R3HCC1L: variants seen among roughly 807,000 people sequenced by gnomAD.
R3HCC1L encodes R3H domain and coiled-coil containing 1 like.
R3HCC1L carries 51 observed loss-of-function variants against 59.9 expected under a neutral mutation model. The observed-to-expected ratio is 0.85, with a 90% CI of 0.68 to 1.07. The LOEUF (loss-of-function observed/expected upper bound fraction) is 1.07, where lower values mean the gene tolerates loss of function less well. R3HCC1L is among the 50% of genes least tolerant of loss of function. The pLI is 0.00. For synonymous variants in R3HCC1L, 322 were observed against 315.2 expected (o/e 1.02, Z -0.23); for missense variants, 965 against 933.0 (o/e 1.03, Z -0.45).
At chr10:98,169,825 G>A (rs1368230080) in intron 4 of R3HCC1L, among the ~76,000 whole-genome samples, 3 of 151,152 alleles carry the variant, frequency 2.0e-5, no homozygotes, top group Non-Finnish European at 2.9e-5. Flanking sequence ...TGAGCTTAGG[G>A]AATATGTAAA....
chr10:98,216,028 A>T (rs991910378), intron 5 of R3HCC1L, among the ~76,000 whole-genome samples: 7 of 152,344 alleles, frequency 4.6e-5, no homozygotes, highest in Admixed American at 4.6e-4. Context: ...AAACAGAATC[A>T]GAATCAAGTC....
chr10:98,158,032 A>G (rs1039513518), intron 2 of R3HCC1L, among the ~76,000 whole-genome samples: 1 of 152,218 alleles, frequency 6.6e-6, no homozygotes, highest in Non-Finnish European at 1.5e-5. Context: ...AAAAATCATC[A>G]TTGGAAAACC....
At chr10:98,159,025 C>CA (rs1847151040) in intron 2 of R3HCC1L, among the ~76,000 whole-genome samples, 1 of 152,004 alleles carries the variant, frequency 6.6e-6, no homozygotes, top group Non-Finnish European at 1.5e-5. Flanking sequence ...AGGCTGGTCT[C>CA]AGACTCCTGG....
chr10:98,237,472 G>A (rs571103314), intron 9 of R3HCC1L, among the ~76,000 whole-genome samples: 14 of 152,156 alleles, frequency 9.2e-5, no homozygotes, highest in East Asian at 1.9e-4. Context: ...GTGGTTTTGC[G>A]TGGATATCAT....
At position 98,209,761 on chromosome 10, in the gene R3HCC1L, A is replaced by T. The variant is rs776475971; in HGVS notation, c.1647A>T (p.Glu549Asp). Residue 549 changes from glutamate (E) to aspartate (D), a missense_variant, in exon 5 of 10, where the codon GAA (glutamate) becomes GAT (aspartate). Transcript: ENST00000298999. ...IEFGVSFPDR[E>D]SSSMETSIEP... ...TTGGTGTATCTTTTCCTGATAGGGA[A>T]TCATCATCTATGGAAACATCCATCG... is the stretch of plus-strand genomic sequence containing the variant. 2.5e-6 allele frequency: 4 copies of T among 1,613,854 alleles called. No homozygotes were observed. The South Asian group carries it at 4.4e-5, about 18-fold the overall frequency.
At chr10:98,177,769 T>C (rs9420722) in intron 4 of R3HCC1L, among the ~76,000 whole-genome samples, 77,185 of 152,010 alleles carry the variant, frequency 0.51, 19,916 homozygotes, top group Non-Finnish European at 0.56. Flanking sequence ...ATTTGCATTT[T>C]TCTGATCACC....
At chr10:98,159,822 G>C (rs945639572) in intron 2 of R3HCC1L, among the ~76,000 whole-genome samples, 1 of 152,108 alleles carries the variant, frequency 6.6e-6, no homozygotes, top group African/African-American at 2.4e-5. Flanking sequence ...TCAGAGCCCT[G>C]GTTCCTTTTA....
At chr10:98,208,003 T>C (rs1852909200) in intron 4 of R3HCC1L, 98 bp from the exon 5 acceptor site, 1 of 1,113,426 alleles carries the variant, frequency 9.0e-7, no homozygotes, top group Non-Finnish European at 1.3e-6. Context: ...CTAGCCTGGG[T>C]GACAGTGTGA....
chr10:98,160,246 G>A (rs1002288269), intron 2 of R3HCC1L, among the ~76,000 whole-genome samples: 1 of 152,170 alleles, frequency 6.6e-6, no homozygotes, highest in Non-Finnish European at 1.5e-5. Flanking sequence ...TTAGCCTAAG[G>A]GCAGGTAGTC....
At chr10:98,192,910 A>G (rs189133197) in intron 4 of R3HCC1L, among the ~76,000 whole-genome samples, 1 of 152,280 alleles carries the variant, frequency 6.6e-6, no homozygotes, top group Non-Finnish European at 1.5e-5. Context: ...ATTCAATAAG[A>G]CATTAAAAGG....
intron 4 of R3HCC1L, among the ~76,000 whole-genome samples, chr10:98,176,153 G>A (rs1225853743): frequency 6.6e-6 from 1 of 152,034 alleles, no homozygotes; most frequent in Admixed American, 6.6e-5. Context: ...TTTCTCCAAT[G>A]TGACACTTAC....
At chr10:98,183,003 G>A (rs564371636) in intron 4 of R3HCC1L, among the ~76,000 whole-genome samples, 14 of 152,284 alleles carry the variant, frequency 9.2e-5, no homozygotes, top group African/African-American at 2.9e-4. Context: ...CCTGGGTAAG[G>A]TGATGCCCCA....
Position 98,236,029 on chromosome 10 carries a change from C to G in R3HCC1L, c.2134C>G (p.Leu712Val). ...CCTTCCTTTCTTCGATTCAGAGTTC[C>G]TCCAGCCAGCAAAGGAGCGTCCTGA... ...KAKARAYAEF[L>V]QPAKERPETS... Residue 712 changes from leucine to valine, a missense_variant, in exon 9 of 10, where the codon CTC (leucine) becomes GTC (valine). Transcript: ENST00000298999. The G allele has an allele frequency of 6.2e-7, 1 of 1,613,290 alleles. No homozygotes were observed. The highest frequency in any genetic ancestry group is 8.5e-7 in the Non-Finnish European group (1 of 1,179,486).
At chr10:98,233,864 C>A (rs534811583) in intron 6 of R3HCC1L, among the ~76,000 whole-genome samples, 1 of 151,902 alleles carries the variant, frequency 6.6e-6, no homozygotes, top group Non-Finnish European at 1.5e-5. Flanking sequence ...ATTTTTTTAA[C>A]CTCCCTTCTG....
intron 4 of R3HCC1L, among the ~76,000 whole-genome samples, chr10:98,176,511 C>A (rs572576741): frequency 4.6e-5 from 7 of 152,196 alleles, no homozygotes; most frequent in African/African-American, 1.7e-4. Flanking sequence ...GTAAATGATA[C>A]TCTTCGATTT....
chr10:98,161,509 T>C (rs1455450702), intron 2 of R3HCC1L, among the ~76,000 whole-genome samples: 1 of 152,132 alleles, frequency 6.6e-6, no homozygotes, highest in Admixed American at 6.5e-5. Flanking sequence ...TGTAGTCCAG[T>C]TTTAGAGTTT....
intron 5 of R3HCC1L, among the ~76,000 whole-genome samples, chr10:98,228,269 G>A (rs1436150789): frequency 1.3e-5 from 2 of 152,126 alleles, no homozygotes; most frequent in Non-Finnish European, 2.9e-5. Context: ...TTTAATGATT[G>A]CCATTCTAAC....
At chr10:98,235,025 T>A (rs1234316116) in intron 7 of R3HCC1L, among the ~76,000 whole-genome samples, 2 of 152,132 alleles carry the variant, frequency 1.3e-5, no homozygotes, top group African/African-American at 4.8e-5. Flanking sequence ...ACCTAGAATA[T>A]GGATCTGCAA....
intron 4 of R3HCC1L, among the ~76,000 whole-genome samples, chr10:98,207,875 A>G (rs1852888576): frequency 6.6e-6 from 1 of 151,882 alleles, no homozygotes; most frequent in Non-Finnish European, 1.5e-5. Context: ...AAACAAAACC[A>G]CAAAGCCAGG....
Sources: allele counts gnomAD v4.1 joint callset (sites outside exome capture counted in the v4.1 genomes callset), GRCh38; gene constraint gnomAD v4.1.1; transcripts MANE v1.5; gene names NCBI Gene and HGNC (gene_info 2026-07-23, HGNC 2026-07-21).